The following RABGAP1L variants were observed in gnomAD, a reference collection of about 807,000 sequenced individuals.
The protein encoded by RABGAP1L is RAB GTPase activating protein 1 like.
Under a neutral mutation model 137.7 loss-of-function variants are expected in RABGAP1L, and 63 were observed. The observed-to-expected ratio is 0.46, with a 90% CI of 0.37 to 0.56. RABGAP1L has a LOEUF of 0.56. Among genes scored for constraint, RABGAP1L ranks in the 20% least tolerant of loss-of-function variants. The pLI is 0.00. For missense variants in RABGAP1L, 1,095 were observed against 1,244.0 expected (o/e 0.88, Z 1.80); for synonymous variants, 431 against 433.7 (o/e 0.99, Z 0.08).
chr1:174,434,722 T>C (rs1333826308), intron 13 of RABGAP1L, among the ~76,000 whole-genome samples: 1 of 152,166 alleles, frequency 6.6e-6, no homozygotes, highest in Admixed American at 6.5e-5. Context: ...TTTTGCCTTT[T>C]CCTGATGACT....
intron 13 of RABGAP1L, among the ~76,000 whole-genome samples, chr1:174,523,489 T>A (rs1663604220): frequency 6.6e-6 from 1 of 152,222 alleles, no homozygotes; most frequent in African/African-American, 2.4e-5. Context: ...TGAAGATTTT[T>A]AAACATTTCT....
intron 19 of RABGAP1L, among the ~76,000 whole-genome samples, chr1:174,937,133 C>T (rs1206916696): frequency 6.6e-6 from 1 of 151,396 alleles, no homozygotes; most frequent in Non-Finnish European, 1.5e-5. Context: ...CTCCTGCCAC[C>T]ACGCCCGGGT....
intron 13 of RABGAP1L, among the ~76,000 whole-genome samples, chr1:174,608,993 A>G (rs1670987652): frequency 6.6e-6 from 1 of 152,182 alleles, no homozygotes; most frequent in Non-Finnish European, 1.5e-5. Context: ...TGAACTACTT[A>G]ACACTTATAC....
chr1:174,224,249 G>C (rs1323109750), intron 3 of RABGAP1L, among the ~76,000 whole-genome samples: 1 of 152,162 alleles, frequency 6.6e-6, no homozygotes, highest in African/African-American at 2.4e-5. Context: ...GCCAAGGTGG[G>C]TGGATTACTT....
intron 14 of RABGAP1L, among the ~76,000 whole-genome samples, chr1:174,668,615 G>T (rs1040561910): frequency 6.6e-6 from 1 of 152,072 alleles, no homozygotes; most frequent in Non-Finnish European, 1.5e-5. Flanking sequence ...AATTTCTTTT[G>T]TATATATACC....
chr1:174,754,741 G>T (rs539858446), intron 18 of RABGAP1L, among the ~76,000 whole-genome samples: 11 of 152,202 alleles, frequency 7.2e-5, no homozygotes, highest in African/African-American at 2.6e-4. Flanking sequence ...GACTCAAGCA[G>T]TCCTCCTGCC....
At chr1:174,649,511 A>C (rs868605019) in intron 14 of RABGAP1L, among the ~76,000 whole-genome samples, 1 of 152,060 alleles carries the variant, frequency 6.6e-6, no homozygotes, top group African/African-American at 2.4e-5. Context: ...TTTCTTTAAG[A>C]ATGTTGAATA....
chr1:174,629,603 A>C (rs936789306), intron 13 of RABGAP1L, among the ~76,000 whole-genome samples: 1 of 151,990 alleles, frequency 6.6e-6, no homozygotes, highest in Admixed American at 6.6e-5. Flanking sequence ...GCTCACTGCA[A>C]CCTCCACTTC....
At chr1:174,667,250 C>T (rs1676855136) in intron 14 of RABGAP1L, among the ~76,000 whole-genome samples, 1 of 152,090 alleles carries the variant, frequency 6.6e-6, no homozygotes, top group Admixed American at 6.5e-5. Context: ...GGATATCCTC[C>T]ATCTCTATTG....
chr1:174,678,719 C>A (rs1677830189), intron 14 of RABGAP1L, among the ~76,000 whole-genome samples: 1 of 152,174 alleles, frequency 6.6e-6, no homozygotes, highest in Non-Finnish European at 1.5e-5. Flanking sequence ...GGCCTCACGG[C>A]TTCCAAGAAA....
At chr1:174,919,053 C>T (rs1573823973) in intron 19 of RABGAP1L, among the ~76,000 whole-genome samples, 1 of 146,722 alleles carries the variant, frequency 6.8e-6, no homozygotes, top group Non-Finnish European at 1.5e-5. Context: ...GAGTCTTGCT[C>T]TTTCACCCAG....
intron 14 of RABGAP1L, among the ~76,000 whole-genome samples, chr1:174,664,729 G>GTTTTTTTTT (rs1557964009): frequency 1.2e-5 from 1 of 85,596 alleles, no homozygotes; most frequent in African/African-American, 5.9e-5. Context: ...CTTTCTTTCT[G>GTTTTTTTTT]CTTTCTTTTT....
intron 11 of RABGAP1L, among the ~76,000 whole-genome samples, chr1:174,318,621 T>TTTCTTTCTTTC: frequency 6.7e-6 from 1 of 149,812 alleles, no homozygotes; most frequent in Non-Finnish European, 1.5e-5. Context: ...TCTTTCTTTC[T>TTTCTTTCTTTC]TTCTTTCTTT....
At chr1:174,741,045 GTT>G (rs60884941) in intron 17 of RABGAP1L, among the ~76,000 whole-genome samples, 20,766 of 119,858 alleles carry the variant, frequency 0.17, 4,925 homozygotes, top group African/African-American at 0.52. Flanking sequence ...TTTTTGTTTT[GTT>G]TTTTTTTTTT....
At chr1:174,369,418 T>C (rs1346057652) in intron 11 of RABGAP1L, among the ~76,000 whole-genome samples, 1 of 152,192 alleles carries the variant, frequency 6.6e-6, no homozygotes, top group African/African-American at 2.4e-5. Context: ...CTCAAACCCC[T>C]GAGCTCAGGC....
chr1:174,902,842 A>G lies in RABGAP1L; in HGVS notation c.2341-54615A>G, dbSNP rs145096487. ...TCAGGTGGTTTGCCTAGTCAGTCCC[A>G]GTGTAACCACCTGGATATTTCGGTG... On this transcript the variant is annotated intron_variant, in intron 19 of 25. Transcript: ENST00000681986. 3.1e-3 allele frequency among the ~76,000 whole-genome samples: 473 copies of G among 152,298 alleles called. 2 individuals carry two copies. The highest frequency in any genetic ancestry group is 9.7e-3 in the African/African-American group (404 of 41,560).
At chr1:174,884,758 C>T (rs1387428442) in intron 19 of RABGAP1L, among the ~76,000 whole-genome samples, 1 of 152,244 alleles carries the variant, frequency 6.6e-6, no homozygotes, top group African/African-American at 2.4e-5. Context: ...ACCATTCTCC[C>T]TATCTCTTGC....
chr1:174,791,863 G>C, intron 18 of RABGAP1L, among the ~76,000 whole-genome samples: 1 of 152,184 alleles, frequency 6.6e-6, no homozygotes, highest in Non-Finnish European at 1.5e-5. Context: ...TATAACAACT[G>C]TGTGTTTAGA....
intron 13 of RABGAP1L, among the ~76,000 whole-genome samples, chr1:174,534,651 T>C (rs1298967368): frequency 2.0e-5 from 3 of 151,506 alleles, no homozygotes; most frequent in Admixed American, 1.3e-4. Flanking sequence ...GTCATGTACC[T>C]ATAATCGCAT....
Sources: gnomAD v4.1 joint callset for allele counts (sites outside exome capture counted in the v4.1 genomes callset) on GRCh38, gnomAD v4.1.1 for gene constraint, MANE v1.5 for transcripts, NCBI Gene and HGNC (gene_info 2026-07-23, HGNC 2026-07-21) for gene names.